The following SNTG1 variants were observed in gnomAD, a reference collection of about 807,000 sequenced individuals.
SNTG1 encodes syntrophin gamma 1, also known as gamma-1-syntrophin.
Under a neutral mutation model 74.7 loss-of-function variants are expected in SNTG1, and 39 were observed. The observed-to-expected ratio is 0.52, with a 90% confidence interval of 0.40 to 0.68. The LOEUF is 0.68. Ranked by LOEUF, SNTG1 falls within the 30% of genes least tolerant of loss-of-function variation. The pLI is 0.00. For missense variants in SNTG1, 685 were observed against 609.5 expected, an observed-to-expected ratio of 1.12 and a Z score of -1.30; for synonymous variants, 254 against 217.1, an observed-to-expected ratio of 1.17 and a Z score of -1.49.
intron 15 of SNTG1, among the ~76,000 whole-genome samples, chr8:50,673,823 T>C (rs546553811): frequency 5.9e-5 from 9 of 151,988 alleles, no homozygotes; most frequent in Non-Finnish European, 1.3e-4. Flanking sequence ...TTGTCACAAA[T>C]AGCTCTGATT....
chr8:49,915,194 A>G lies in SNTG1; in HGVS notation c.-103+2963A>G, dbSNP rs1004617235. On this transcript the variant is annotated intron_variant, in intron 1 of 18. Transcript: ENST00000642720. ...TTCTTTACTTTTCAATGAAGACACA[A>G]TAATTTACATACAGCTGATACCTGA... Among the ~76,000 whole-genome samples the G allele has an allele frequency of 3.3e-5, 5 of 152,212 alleles. No homozygotes were observed. The South Asian group carries it at 6.2e-4, about 19-fold the overall frequency.
chr8:50,474,390 A>G (rs2093678662), intron 8 of SNTG1, among the ~76,000 whole-genome samples: 1 of 151,874 alleles, frequency 6.6e-6, no homozygotes, highest in African/African-American at 2.4e-5. Flanking sequence ...AAAAAAAAAA[A>G]ACAACCCCAT....
chr8:50,498,315 G>A (rs956623281), intron 8 of SNTG1, among the ~76,000 whole-genome samples: 1 of 151,790 alleles, frequency 6.6e-6, no homozygotes, highest in African/African-American at 2.4e-5. Flanking sequence ...AAGATTTATA[G>A]TGGTATCTCA....
intron 12 of SNTG1, among the ~76,000 whole-genome samples, chr8:50,570,790 G>C (rs1033636452): frequency 6.6e-6 from 1 of 151,412 alleles, no homozygotes; most frequent in African/African-American, 2.4e-5. Flanking sequence ...TTTTTTAGTA[G>C]AGACAGGGTT....
chr8:50,587,591 G>A (rs1441012890), intron 12 of SNTG1, among the ~76,000 whole-genome samples: 1 of 152,124 alleles, frequency 6.6e-6, no homozygotes, highest in Non-Finnish European at 1.5e-5. Context: ...TTGGGTGGCC[G>A]AGGCGGGCGG....
chr8:50,541,283 T>TGTGTGTG, intron 11 of SNTG1, among the ~76,000 whole-genome samples: 1 of 127,548 alleles, frequency 7.8e-6, no homozygotes, highest in African/African-American at 3.7e-5. Flanking sequence ...GTGTGCATGT[T>TGTGTGTG]TATTTCTGTG....
rs568744696 is a variant in SNTG1, at chr8:49,963,713, T to C, written c.-103+51482T>C. Among the ~76,000 whole-genome samples, 5 of 152,346 alleles carry C rather than the reference T, an allele frequency of 3.3e-5. No individual in the cohort carries two copies. In the South Asian group the frequency reaches 1.0e-3, roughly 32 times the overall value. On this transcript the variant is annotated intron_variant, in intron 1 of 18. Coordinates refer to ENST00000642720, the MANE Select transcript of SNTG1 (RefSeq NM_018967.5). ...GTCTTTGCACTGTACCTTCTGATGA[T>C]TGTTTAATCTCAAATGCATGTAGCA...
At chr8:50,318,174 G>T (rs1218949508) in intron 2 of SNTG1, among the ~76,000 whole-genome samples, 3 of 151,940 alleles carry the variant, frequency 2.0e-5, no homozygotes, top group Admixed American at 6.6e-5. Flanking sequence ...GGCTTGTCTT[G>T]CTCCCTGGAC....
At position 50,009,826 on chromosome 8, in the gene SNTG1, C is replaced by T. The variant is rs150644788; in HGVS notation, c.-103+97595C>T. 4.1e-3 allele frequency among the ~76,000 whole-genome samples: 623 copies of T among 152,166 alleles called. 5 individuals are homozygous for T. Among genetic ancestry groups the T allele is most frequent in the African/African-American group, 0.014 (593 of 41,516 alleles). On this transcript the variant is annotated intron_variant, in intron 1 of 18. Transcript: ENST00000642720. ...CAGCCTGGGAAACATGGCAAAACCC[C>T]ATCTCTACTAAAAATACAGAAAATT...
chr8:50,268,005 A>G (rs1021073966), intron 2 of SNTG1, among the ~76,000 whole-genome samples: 4 of 152,330 alleles, frequency 2.6e-5, no homozygotes, highest in South Asian at 2.1e-4. Flanking sequence ...TTTTGACTAT[A>G]TAGAATATTT....
rs554500793 is a variant in SNTG1 at position 50,618,649 on chromosome 8, G to A, written c.849+27732G>A. On this transcript the variant is annotated intron_variant, in intron 13 of 18. Transcript: ENST00000642720. ...TATTCTCATCTGGAGGCTCCGCTGT[G>A]GAAGAATTTGCATCCTTGCCCATTA... 3.9e-5 allele frequency among the ~76,000 whole-genome samples: 6 copies of A among 152,296 alleles called. No individual in the cohort carries two copies. The South Asian group carries it at 6.2e-4, about 16-fold the overall frequency.
At chr8:49,978,578 A>G (rs1277824407) in intron 1 of SNTG1, among the ~76,000 whole-genome samples, 1 of 152,204 alleles carries the variant, frequency 6.6e-6, no homozygotes, top group Non-Finnish European at 1.5e-5. Context: ...TTTTGAACAT[A>G]CAATTAAAAT....
chr8:50,754,316 A>G (rs1355192006), intron 18 of SNTG1, among the ~76,000 whole-genome samples: 1 of 151,948 alleles, frequency 6.6e-6, no homozygotes, highest in African/African-American at 2.4e-5. Context: ...ATATCCTACC[A>G]ATAATGTATA....
At chr8:50,204,122 G>A (rs2084101914) in intron 2 of SNTG1, among the ~76,000 whole-genome samples, 1 of 152,128 alleles carries the variant, frequency 6.6e-6, no homozygotes, top group Non-Finnish European at 1.5e-5. Context: ...GAATGGGAAT[G>A]TTTGATTTCC....
intron 15 of SNTG1, among the ~76,000 whole-genome samples, chr8:50,687,398 A>G (rs900076655): frequency 6.6e-6 from 1 of 152,220 alleles, no homozygotes; most frequent in Admixed American, 6.5e-5. Flanking sequence ...TGATTAAAAT[A>G]CATGTACCTC....
At chr8:50,415,160 G>A (rs1236211401) in intron 4 of SNTG1, among the ~76,000 whole-genome samples, 1 of 152,116 alleles carries the variant, frequency 6.6e-6, no homozygotes, top group Non-Finnish European at 1.5e-5. Context: ...AACAAATGTT[G>A]TTTAAATGCA....
chr8:50,716,622 T>TA (rs2095475628), intron 17 of SNTG1, among the ~76,000 whole-genome samples: 1 of 152,034 alleles, frequency 6.6e-6, no homozygotes, highest in Non-Finnish European at 1.5e-5. Flanking sequence ...AAGTAAATAT[T>TA]CAAAAAAATT....
rs148456933 is a variant in SNTG1 at position 50,488,448 on chromosome 8, G to C, written c.364-14330G>C. 5.0e-3 allele frequency among the ~76,000 whole-genome samples: 762 copies of C among 152,128 alleles called. 12 individuals are homozygous for C. Among genetic ancestry groups the C allele is most frequent in the African/African-American group, 0.017 (693 of 41,496 alleles). ...ATATGCTTACCTCCTTCTATCCCTT[G>C]GTCGGAAATCCTATCAATGGGTCCT... On this transcript the variant is annotated intron_variant, in intron 8 of 18. Coordinates refer to ENST00000642720, the MANE Select transcript of SNTG1 (RefSeq NM_018967.5).
At chr8:50,391,037 C>G (rs996200136) in intron 2 of SNTG1, among the ~76,000 whole-genome samples, 2 of 152,120 alleles carry the variant, frequency 1.3e-5, no homozygotes, top group African/African-American at 2.4e-5. Flanking sequence ...TTGACTTCCT[C>G]TTTTCCAAAT....
Sources: allele counts gnomAD v4.1 joint callset (sites outside exome capture counted in the v4.1 genomes callset), GRCh38; gene constraint gnomAD v4.1.1; transcripts MANE v1.5; gene names NCBI Gene and HGNC (gene_info 2026-07-23, HGNC 2026-07-21).